Variants in SIL1 observed in about 807,000 individuals in gnomAD.
SIL1 encodes SIL1 nucleotide exchange factor.
A neutral mutation model predicts 49.1 loss-of-function variants in SIL1; 40 were observed. The observed-to-expected ratio is 0.81, with a 90% CI of 0.63 to 1.06. SIL1 has a LOEUF of 1.06. SIL1 is among the 50% of genes least tolerant of loss of function. SIL1 has a pLI of 0.00. For synonymous variants in SIL1, 253 were observed against 250.8 expected, an observed-to-expected ratio of 1.01 and a Z score of -0.08; for missense variants, 500 against 572.6, an observed-to-expected ratio of 0.87 and a Z score of 1.29.
intron 7 of SIL1, among the ~76,000 whole-genome samples, chr5:138,958,022 A>T (rs1180357972): frequency 6.6e-6 from 1 of 151,710 alleles, no homozygotes; most frequent in African/African-American, 2.4e-5. Context: ...GCCTCCTAAA[A>T]CGTTGGGATT....
chr5:139,028,289 G>A (rs1768706294), intron 5 of SIL1, among the ~76,000 whole-genome samples: 1 of 151,310 alleles, frequency 6.6e-6, no homozygotes, highest in Non-Finnish European at 1.5e-5. Flanking sequence ...CACGAGGTCA[G>A]GAGTTCAAGA....
chr5:138,989,453 C>T (rs946903811), intron 7 of SIL1, among the ~76,000 whole-genome samples: 1 of 152,084 alleles, frequency 6.6e-6, no homozygotes, highest in Admixed American at 6.5e-5. Flanking sequence ...TTCACGAACA[C>T]CATCAAGATT....
At chr5:139,151,968 A>G (rs974436502) in intron 1 of SIL1, among the ~76,000 whole-genome samples, 2 of 152,246 alleles carry the variant, frequency 1.3e-5, no homozygotes, top group African/African-American at 4.8e-5. Flanking sequence ...TTGATACAAC[A>G]TTGTCATAAA....
At chr5:139,035,539 C>A (rs1009390170) in intron 5 of SIL1, 13 of 511,094 alleles carry the variant, frequency 2.5e-5, no homozygotes, top group Non-Finnish European at 3.5e-5. Flanking sequence ...GGAGACAGAC[C>A]CAGGGGGCCA....
At chr5:139,123,795 T>G (rs576402626) in intron 2 of SIL1, among the ~76,000 whole-genome samples, 8 of 152,358 alleles carry the variant, frequency 5.3e-5, no homozygotes, top group African/African-American at 1.7e-4. Context: ...GGTCTACCAC[T>G]GTCACGCAGG....
intron 5 of SIL1, chr5:139,034,369 TTTTA>T (rs1768857467): frequency 1.3e-5 from 2 of 152,188 alleles, no homozygotes; most frequent in Admixed American, 6.5e-5. Flanking sequence ...AAATACACCA[TTTTA>T]TTTATTTTTT....
chr5:139,075,782 C>T (rs192722200), intron 3 of SIL1, among the ~76,000 whole-genome samples: 1 of 152,306 alleles, frequency 6.6e-6, no homozygotes. Context: ...TCACAATCTC[C>T]TTTTGGAGGC....
intron 3 of SIL1, among the ~76,000 whole-genome samples, chr5:139,107,264 G>T (rs979007079): frequency 6.6e-6 from 1 of 152,168 alleles, no homozygotes; most frequent in Non-Finnish European, 1.5e-5. Flanking sequence ...GACTGACTCA[G>T]GTGTTACCTG....
chr5:139,040,616 A>C (rs1039110178), intron 5 of SIL1, among the ~76,000 whole-genome samples: 2 of 148,248 alleles, frequency 1.3e-5, no homozygotes, highest in Non-Finnish European at 3.0e-5. Flanking sequence ...CTCCCACCTC[A>C]GCCTCTGGAC....
intron 3 of SIL1, among the ~76,000 whole-genome samples, chr5:139,051,354 T>C (rs972373236): frequency 1.3e-5 from 2 of 152,222 alleles, no homozygotes; most frequent in Non-Finnish European, 2.9e-5. Context: ...CTTCTTGAGC[T>C]AATAAAAGCT....
chr5:139,074,208 C>G (rs1403766424), intron 3 of SIL1, among the ~76,000 whole-genome samples: 1 of 152,120 alleles, frequency 6.6e-6, no homozygotes, highest in Non-Finnish European at 1.5e-5. Flanking sequence ...AAGCATGCAT[C>G]ACCACACCCA....
intron 1 of SIL1, among the ~76,000 whole-genome samples, chr5:139,157,373 C>A (rs911082557): frequency 3.3e-5 from 5 of 152,140 alleles, no homozygotes; most frequent in Non-Finnish European, 7.4e-5. Context: ...TATCAGACCA[C>A]GAGTAATTCA....
intron 3 of SIL1, among the ~76,000 whole-genome samples, chr5:139,056,710 C>T (rs1370990066): frequency 4.6e-5 from 7 of 151,444 alleles, no homozygotes; most frequent in African/African-American, 1.2e-4. Flanking sequence ...GTCAGCCCCC[C>T]GCCCGGCCAG....
intron 5 of SIL1, among the ~76,000 whole-genome samples, chr5:139,028,349 T>C (rs905294000): frequency 1.2e-4 from 18 of 151,950 alleles, no homozygotes; most frequent in African/African-American, 4.1e-4. Flanking sequence ...AATACAAAAA[T>C]TAGCCGGGCA....
chr5:139,057,634 C>A (rs559284492), intron 3 of SIL1, among the ~76,000 whole-genome samples: 17 of 152,076 alleles, frequency 1.1e-4, no homozygotes, highest in Non-Finnish European at 2.2e-4. Flanking sequence ...GAAGAAACAC[C>A]CCCTATAGGA....
chr5:138,963,796 G>A lies in SIL1; in HGVS notation c.768-11912C>T, dbSNP rs191341170. Among the ~76,000 whole-genome samples the A allele has an allele frequency of 1.0e-3, 153 of 152,326 alleles. 1 individual carries two copies. In the East Asian group the frequency reaches 0.026, roughly 26 times the overall value. ...CCCAGGCTCCCGGTTTTCCGTGGGG[G>A]CGGATCAACATGGCCTCCTCAGCTA... On this transcript the variant is annotated intron_variant, in intron 7 of 9. Coordinates refer to ENST00000394817, the MANE Select transcript of SIL1 (RefSeq NM_022464.5).
At chr5:139,147,655 TTCAAC>T (rs1174393306) in intron 1 of SIL1, among the ~76,000 whole-genome samples, 1 of 152,194 alleles carries the variant, frequency 6.6e-6, no homozygotes, top group Non-Finnish European at 1.5e-5. Flanking sequence ...CAAGTCCATG[TTCAAC>T]TGTGCCCCAC....
At chr5:138,956,244 C>T (rs1367241235) in intron 7 of SIL1, among the ~76,000 whole-genome samples, 2 of 152,224 alleles carry the variant, frequency 1.3e-5, no homozygotes, top group Non-Finnish European at 2.9e-5. Flanking sequence ...CAATCATTCA[C>T]CTGATGAAGT....
intron 7 of SIL1, among the ~76,000 whole-genome samples, chr5:138,993,863 A>G (rs1305214856): frequency 6.6e-6 from 1 of 152,254 alleles, no homozygotes; most frequent in African/African-American, 2.4e-5. Context: ...GACCCGACAA[A>G]GTCACACTTG....
Sources: allele counts gnomAD v4.1 joint callset (sites outside exome capture counted in the v4.1 genomes callset), GRCh38; gene constraint gnomAD v4.1.1; transcripts MANE v1.5; gene names NCBI Gene and HGNC (gene_info 2026-07-23, HGNC 2026-07-21).